ADAMTS12: variants seen among roughly 807,000 people sequenced by gnomAD.
ADAMTS12 encodes ADAM metallopeptidase with thrombospondin type 1 motif 12.
Under a neutral mutation model 167.8 loss-of-function variants are expected in ADAMTS12, and 118 were observed. The observed-to-expected ratio is 0.70, with a 90% CI of 0.61 to 0.82. ADAMTS12 has a LOEUF of 0.82. Among genes scored for constraint, ADAMTS12 ranks in the 40% least tolerant of loss-of-function variants. The pLI, the probability that ADAMTS12 is intolerant of heterozygous loss-of-function variation, is 0.00. For missense variants in ADAMTS12, 1,916 were observed against 1,998.8 expected, an observed-to-expected ratio of 0.96 and a Z score of 0.79; for synonymous variants, 704 against 716.9, an observed-to-expected ratio of 0.98 and a Z score of 0.29.
At chr5:33,698,123 G>T (rs1006538957) in intron 3 of ADAMTS12, among the ~76,000 whole-genome samples, 1 of 152,198 alleles carries the variant, frequency 6.6e-6, no homozygotes, top group Admixed American at 6.5e-5. Flanking sequence ...AAGAATGAAC[G>T]TCTGGCTTTT....
chr5:33,690,366 AT>A (rs1177626965), intron 3 of ADAMTS12, among the ~76,000 whole-genome samples: 1 of 152,232 alleles, frequency 6.6e-6, no homozygotes, highest in East Asian at 1.9e-4. Context: ...AAAGAAAGAA[AT>A]GAAGCAACCT....
chr5:33,585,168 C>A (rs1202089190), intron 18 of ADAMTS12, among the ~76,000 whole-genome samples: 1 of 152,048 alleles, frequency 6.6e-6, no homozygotes, highest in Non-Finnish European at 1.5e-5. Context: ...ATAATTTTGG[C>A]AATTTATTTT....
chr5:33,820,542 C>T (rs554207141), intron 2 of ADAMTS12, among the ~76,000 whole-genome samples: 2 of 152,058 alleles, frequency 1.3e-5, no homozygotes, highest in Non-Finnish European at 2.9e-5. Context: ...GTTCTGTAGC[C>T]AGTAGAACTG....
At chr5:33,847,979 C>T (rs1319594790) in intron 2 of ADAMTS12, among the ~76,000 whole-genome samples, 1 of 152,146 alleles carries the variant, frequency 6.6e-6, no homozygotes, top group African/African-American at 2.4e-5. Context: ...CTTAGGGAGG[C>T]CAAGGTGGTC....
intron 2 of ADAMTS12, among the ~76,000 whole-genome samples, chr5:33,752,611 G>T (rs1040895363): frequency 2.0e-5 from 3 of 152,150 alleles, no homozygotes; most frequent in Non-Finnish European, 4.4e-5. Context: ...GCTCTTTCTG[G>T]ATCTCTGATT....
intron 14 of ADAMTS12, among the ~76,000 whole-genome samples, 177 bp downstream of exon 14, chr5:33,624,054 C>T: frequency 6.6e-6 from 1 of 152,200 alleles, no homozygotes; most frequent in East Asian, 1.9e-4. Context: ...CAACCCGTTT[C>T]CTACAACTGC....
rs1345528151 is a variant in ADAMTS12, at chr5:33,661,927, G to A, written c.1029C>T (p.Val343=). ...DLNPVHHDVA[V]LLTRKDICAG... ...AGTCTCTGGTGTACCTGGTGAGAAGGACAGCCACGTCGTGATGAACAGGAT... is the reference window on the plus strand; with the variant it reads ...AGTCTCTGGTGTACCTGGTGAGAAGAACAGCCACGTCGTGATGAACAGGAT... Residue 343 remains valine (V), a synonymous_variant, in exon 6 of 24, where the codon GTC becomes GTT. Coordinates refer to ENST00000504830, the MANE Select transcript of ADAMTS12 (RefSeq NM_030955.4). The A allele has an allele frequency of 6.2e-7, 1 of 1,613,214 alleles. No individual in the cohort carries two copies. Among genetic ancestry groups the A allele is most frequent in the East Asian group, 2.2e-5 (1 of 44,882 alleles).
chr5:33,760,879 C>CTGTGTG (rs61110268), intron 2 of ADAMTS12, among the ~76,000 whole-genome samples: 90 of 145,568 alleles, frequency 6.2e-4, no homozygotes, highest in Middle Eastern at 3.4e-3. Context: ...TGTCTTTGCT[C>CTGTGTG]TGTGTGTGTG....
intron 2 of ADAMTS12, among the ~76,000 whole-genome samples, chr5:33,755,573 A>AGTT (rs1308535193): frequency 5.3e-5 from 8 of 152,232 alleles, no homozygotes; most frequent in African/African-American, 1.7e-4. Context: ...AACTGACAGC[A>AGTT]TCTTATATGG....
chr5:33,868,138 TTTTC>T lies in ADAMTS12; in HGVS notation c.489+12977_489+12980del, dbSNP rs1345686690. On this transcript the variant is annotated intron_variant, in intron 2 of 23. Transcript: ENST00000504830. ...TATGGAACTGAGTCAATTAAACCTC[TTTTC>T]TTTATAAATTACCTAGTCACAGGTA... Among the ~76,000 whole-genome samples the T allele has an allele frequency of 1.5e-4, 23 of 152,300 alleles. No individual in the cohort carries two copies. The East Asian group carries it at 4.2e-3, about 28-fold the overall frequency.
intron 19 of ADAMTS12, among the ~76,000 whole-genome samples, chr5:33,564,199 G>T (rs541827233): frequency 6.6e-6 from 1 of 152,292 alleles, no homozygotes; most frequent in Admixed American, 6.5e-5. Context: ...GAAAAGCTTT[G>T]TGCAAGATCA....
chr5:33,865,979 C>G (rs973612580), intron 2 of ADAMTS12, among the ~76,000 whole-genome samples: 1 of 152,072 alleles, frequency 6.6e-6, no homozygotes, highest in African/African-American at 2.4e-5. Flanking sequence ...CAACCAGAAA[C>G]ATATCCCATG....
At chr5:33,838,954 A>T (rs1220037535) in intron 2 of ADAMTS12, among the ~76,000 whole-genome samples, 1 of 152,214 alleles carries the variant, frequency 6.6e-6, no homozygotes, top group African/African-American at 2.4e-5. Flanking sequence ...TGGATAAAAA[A>T]CGACTGGATT....
intron 3 of ADAMTS12, among the ~76,000 whole-genome samples, chr5:33,696,997 T>G (rs940685017): frequency 3.3e-5 from 5 of 152,204 alleles, no homozygotes; most frequent in African/African-American, 1.2e-4. Flanking sequence ...CACTAATTCC[T>G]TGTTAGCCCA....
At chr5:33,880,972 G>C in intron 2 of ADAMTS12, 147 bp downstream of exon 2, 1 of 1,203,960 alleles carries the variant, frequency 8.3e-7, no homozygotes. Flanking sequence ...ATACTTTCTC[G>C]CCAACCACTT....
intron 2 of ADAMTS12, among the ~76,000 whole-genome samples, chr5:33,877,586 T>C (rs1281602392): frequency 6.6e-6 from 1 of 152,080 alleles, no homozygotes; most frequent in Non-Finnish European, 1.5e-5. Flanking sequence ...AACAAACAAA[T>C]TCCACAATGC....
intron 13 of ADAMTS12, 68 bp downstream of exon 13, chr5:33,630,712 T>C (rs926913066): frequency 2.6e-5 from 40 of 1,543,426 alleles, no homozygotes; most frequent in East Asian, 1.6e-4. Flanking sequence ...ACCTAGAACA[T>C]CTGACTTCCC....
chr5:33,546,281 C>A, intron 21 of ADAMTS12, 79 bp from the exon 22 acceptor site: 2 of 1,373,776 alleles, frequency 1.5e-6, no homozygotes, highest in South Asian at 1.6e-5. Flanking sequence ...TTCGTACTGT[C>A]ATTTTTGTTA....
At chr5:33,767,065 C>T (rs1745560505) in intron 2 of ADAMTS12, among the ~76,000 whole-genome samples, 1 of 151,998 alleles carries the variant, frequency 6.6e-6, no homozygotes, top group Non-Finnish European at 1.5e-5. Context: ...AATTGCCTGG[C>T]AAACAAATTG....
Sources: allele counts gnomAD v4.1 joint callset (sites outside exome capture counted in the v4.1 genomes callset), GRCh38; gene constraint gnomAD v4.1.1; transcripts MANE v1.5; gene names NCBI Gene and HGNC (gene_info 2026-07-23, HGNC 2026-07-21).